RPSA2: variants seen among roughly 807,000 people sequenced by gnomAD.
RPSA2 encodes ribosomal protein SA 2, also known as small ribosomal subunit protein uS2B.
At chr19:23,861,005 C>T in the RPSA2 span, among the ~76,000 whole-genome samples, 1 of 28,812 alleles carries the variant, frequency 3.5e-5, no homozygotes. Context: ...GTACATGTTG[C>T]TCCTCCTGCT....
chr19:23,855,341 A>G, the RPSA2 span, among the ~76,000 whole-genome samples: 2 of 152,352 alleles, frequency 1.3e-5, no homozygotes, highest in Non-Finnish European at 2.9e-5. Flanking sequence ...AGGAAGCAGA[A>G]TGACCTCAGT....
chr19:23,758,630 T>C, the RPSA2 span: 1 of 1,529,076 alleles, frequency 6.5e-7, no homozygotes, highest in East Asian at 2.2e-5. Flanking sequence ...CCAAGTGGAC[T>C]GAGGCCGCCT....
At chr19:23,774,754 G>T in the RPSA2 span, among the ~76,000 whole-genome samples, 1 of 152,132 alleles carries the variant, frequency 6.6e-6, no homozygotes, top group Non-Finnish European at 1.5e-5. Context: ...ACATATCACT[G>T]GTCTCAGCAC....
At chr19:23,865,999 G>T in the RPSA2 span, among the ~76,000 whole-genome samples, 3 of 152,170 alleles carry the variant, frequency 2.0e-5, no homozygotes, top group African/African-American at 7.2e-5. Context: ...AGTTTAAATT[G>T]GCAAGAAATG....
the RPSA2 span, among the ~76,000 whole-genome samples, chr19:23,858,471 G>A: frequency 6.6e-6 from 1 of 152,158 alleles, no homozygotes; most frequent in Non-Finnish European, 1.5e-5. Context: ...TGTTATAAAT[G>A]TTTCCCATGA....
At chr19:23,830,285 C>T in the RPSA2 span, among the ~76,000 whole-genome samples, 4 of 152,154 alleles carry the variant, frequency 2.6e-5, no homozygotes, top group Non-Finnish European at 4.4e-5. Context: ...GCTGGTATTA[C>T]AGGCATGTGC....
chr19:23,839,466 A>G, the RPSA2 span, among the ~76,000 whole-genome samples: 3 of 152,096 alleles, frequency 2.0e-5, no homozygotes, highest in African/African-American at 7.2e-5. Context: ...ACCCCTCACA[A>G]CAGCCCCAAA....
the RPSA2 span, among the ~76,000 whole-genome samples, chr19:23,836,106 G>A: frequency 6.6e-6 from 1 of 151,952 alleles, no homozygotes; most frequent in Non-Finnish European, 1.5e-5. Context: ...CACCCAAGCA[G>A]TATACACTGC....
the RPSA2 span, among the ~76,000 whole-genome samples, chr19:23,861,389 C>G: frequency 6.6e-6 from 1 of 152,142 alleles, no homozygotes; most frequent in Non-Finnish European, 1.5e-5. Context: ...AGAGCCCCCC[C>G]ACTACCCACC....
chr19:23,801,308 C>A, the RPSA2 span, among the ~76,000 whole-genome samples: 3 of 151,954 alleles, frequency 2.0e-5, no homozygotes, highest in African/African-American at 7.3e-5. Context: ...GGCGTGATCT[C>A]GGCTCACTGC....
chr19:23,784,988 A>G, the RPSA2 span, among the ~76,000 whole-genome samples: 3 of 152,216 alleles, frequency 2.0e-5, no homozygotes, highest in African/African-American at 7.2e-5. Flanking sequence ...CACGTATGGA[A>G]TTTCTAATCT....
chr19:23,795,354 CGTT>C, the RPSA2 span, among the ~76,000 whole-genome samples: 3 of 151,864 alleles, frequency 2.0e-5, no homozygotes. Flanking sequence ...CTTCTTTAAG[CGTT>C]GTTTTGTAAT....
the RPSA2 span, among the ~76,000 whole-genome samples, chr19:23,783,681 G>A: frequency 2.0e-5 from 3 of 152,048 alleles, no homozygotes; most frequent in African/African-American, 7.2e-5. Context: ...GAAAGTTTCT[G>A]CCTGAGCCCT....
the RPSA2 span, chr19:23,843,134 CT>C: frequency 1.2e-5 from 2 of 173,596 alleles, no homozygotes. Context: ...AGGATGGTAA[CT>C]GGAGAATCCC....
the RPSA2 span, among the ~76,000 whole-genome samples, chr19:23,869,922 G>A: frequency 2.0e-5 from 3 of 152,276 alleles, no homozygotes; most frequent in Non-Finnish European, 4.4e-5. Context: ...CAGCTAAGGC[G>A]GACCAGCTCC....
chr19:23,816,208 C>T, the RPSA2 span, among the ~76,000 whole-genome samples: 1 of 152,154 alleles, frequency 6.6e-6, no homozygotes, highest in Non-Finnish European at 1.5e-5. Flanking sequence ...GATCATGGCT[C>T]ACTGCAGCCT....
the RPSA2 span, among the ~76,000 whole-genome samples, chr19:23,813,730 C>T: frequency 4.2e-4 from 58 of 136,752 alleles, no homozygotes; most frequent in East Asian, 1.1e-3. Context: ...ACACGGGTTT[C>T]TTTTTTTTTT....
At chr19:23,851,018 G>A in the RPSA2 span, among the ~76,000 whole-genome samples, 5 of 152,156 alleles carry the variant, frequency 3.3e-5, no homozygotes, top group African/African-American at 4.8e-5. Flanking sequence ...ATATCCAGGG[G>A]CATTGTCTGT....
At chr19:23,783,012 T>C in the RPSA2 span, among the ~76,000 whole-genome samples, 1 of 152,112 alleles carries the variant, frequency 6.6e-6, no homozygotes, top group African/African-American at 2.4e-5. Flanking sequence ...AATTGTGATG[T>C]GCATTTAGGT....
Sources: allele counts gnomAD v4.1 joint callset (sites outside exome capture counted in the v4.1 genomes callset), GRCh38; gene constraint gnomAD v4.1.1; transcripts MANE v1.5; gene names NCBI Gene and HGNC (gene_info 2026-07-23, HGNC 2026-07-21).